FRMD4A: variants seen among roughly 807,000 people sequenced by gnomAD.
FRMD4A encodes FERM domain containing 4A.
Under a neutral mutation model 129.1 loss-of-function variants are expected in FRMD4A, and 29 were observed. The ratio of observed to expected loss-of-function variants is 0.22; its 90% CI spans 0.17 to 0.31. FRMD4A has a LOEUF of 0.31. Among genes scored for constraint, FRMD4A ranks in the 10% least tolerant of loss-of-function variants. FRMD4A has a pLI of 1.00. For synonymous variants in FRMD4A, 634 were observed against 571.6 expected (o/e 1.11, Z -1.56); for missense variants, 1,272 against 1,375.8 (o/e 0.92, Z 1.19).
chr10:14,304,803 G>C (rs968632298), intron 2 of FRMD4A, among the ~76,000 whole-genome samples: 7 of 152,144 alleles, frequency 4.6e-5, no homozygotes, highest in African/African-American at 1.7e-4. Flanking sequence ...GAGAATGAAT[G>C]GCCCCAGAAC....
intron 14 of FRMD4A, among the ~76,000 whole-genome samples, chr10:13,695,559 A>G (rs2086142704): frequency 6.6e-6 from 1 of 152,232 alleles, no homozygotes; most frequent in Non-Finnish European, 1.5e-5. Context: ...TCAGGAAATC[A>G]ACTTTTTGTG....
intron 2 of FRMD4A, among the ~76,000 whole-genome samples, chr10:14,039,453 TC>T (rs1833682774): frequency 2.7e-5 from 1 of 36,774 alleles, no homozygotes; most frequent in Non-Finnish European, 6.4e-5. Flanking sequence ...CCAAAATCAA[TC>T]AATCTATCTA....
At chr10:13,762,548 C>T in intron 7 of FRMD4A, 76 bp downstream of exon 7, 2 of 831,926 alleles carry the variant, frequency 2.4e-6, no homozygotes, top group Non-Finnish European at 4.1e-6. Flanking sequence ...CAGCTACTGG[C>T]TATGCCTGGT....
chr10:13,824,943 T>C (rs1203561955), intron 3 of FRMD4A, among the ~76,000 whole-genome samples: 2 of 147,650 alleles, frequency 1.4e-5, no homozygotes. Flanking sequence ...ATTTCAAGTA[T>C]ACAGGAGGAT....
intron 2 of FRMD4A, among the ~76,000 whole-genome samples, chr10:13,913,283 T>C (rs2094962902): frequency 6.6e-6 from 1 of 152,068 alleles, no homozygotes; most frequent in Admixed American, 6.5e-5. Flanking sequence ...GACAAAGGGA[T>C]GGAGTTAATG....
At chr10:13,667,153 C>T (rs1445747693) in intron 17 of FRMD4A, among the ~76,000 whole-genome samples, 3 of 152,188 alleles carry the variant, frequency 2.0e-5, no homozygotes, top group Admixed American at 6.5e-5. Flanking sequence ...CTCAGACTAT[C>T]CTTCTGCCTT....
At chr10:13,784,206 T>A (rs1241571486) in intron 5 of FRMD4A, among the ~76,000 whole-genome samples, 1 of 152,138 alleles carries the variant, frequency 6.6e-6, no homozygotes, top group Non-Finnish European at 1.5e-5. Flanking sequence ...AATAGTGTTA[T>A]AATCTGAGGG....
chr10:13,857,617 C>T (rs988150274), intron 3 of FRMD4A, among the ~76,000 whole-genome samples: 5 of 152,110 alleles, frequency 3.3e-5, no homozygotes, highest in South Asian at 2.1e-4. Flanking sequence ...TACAAGGCAA[C>T]GCAAGACGAA....
intron 2 of FRMD4A, among the ~76,000 whole-genome samples, chr10:14,311,324 G>A (rs1846539893): frequency 6.6e-6 from 1 of 152,060 alleles, no homozygotes; most frequent in South Asian, 2.1e-4. Context: ...GACCAATTTA[G>A]ATAAATTCAC....
intron 3 of FRMD4A, among the ~76,000 whole-genome samples, chr10:13,828,500 G>C (rs1320343847): frequency 6.7e-6 from 1 of 150,042 alleles, no homozygotes; most frequent in Non-Finnish European, 1.5e-5. Context: ...CTATTCCATT[G>C]TATATGTATA....
chr10:14,022,180 C>T (rs560754173), intron 2 of FRMD4A, among the ~76,000 whole-genome samples: 137 of 152,226 alleles, frequency 9.0e-4, no homozygotes, highest in African/African-American at 2.9e-3. Flanking sequence ...GTGAGGTCAA[C>T]AAATAATGAG....
chr10:14,323,226 A>G (rs1843135058), intron 2 of FRMD4A, among the ~76,000 whole-genome samples: 1 of 152,230 alleles, frequency 6.6e-6, no homozygotes, highest in African/African-American at 2.4e-5. Context: ...GAGTTGCATG[A>G]GATGAATTCA....
intron 3 of FRMD4A, among the ~76,000 whole-genome samples, chr10:13,850,092 C>T (rs535595898): frequency 4.7e-4 from 72 of 151,876 alleles, no homozygotes; most frequent in African/African-American, 1.4e-3. Flanking sequence ...GCACTTGAAC[C>T]CAGGAGGCTG....
intron 5 of FRMD4A, among the ~76,000 whole-genome samples, chr10:13,787,821 C>T (rs2092906089): frequency 6.6e-6 from 1 of 151,022 alleles, no homozygotes; most frequent in Admixed American, 6.6e-5. Flanking sequence ...GCCGGGCATG[C>T]CTGTAATCCC....
chr10:13,857,550 A>G (rs1196796392), intron 3 of FRMD4A, among the ~76,000 whole-genome samples: 3 of 152,138 alleles, frequency 2.0e-5, no homozygotes, highest in African/African-American at 4.8e-5. Flanking sequence ...TTTGAATCCT[A>G]TTAAAAGTAT....
At chr10:14,061,277 C>T (rs1834800298) in intron 2 of FRMD4A, among the ~76,000 whole-genome samples, 1 of 152,010 alleles carries the variant, frequency 6.6e-6, no homozygotes, top group Admixed American at 6.6e-5. Flanking sequence ...TGTTGATCAA[C>T]CCCGTCTCTA....
intron 2 of FRMD4A, among the ~76,000 whole-genome samples, chr10:14,021,910 A>G (rs1832775259): frequency 6.6e-6 from 1 of 152,244 alleles, no homozygotes; most frequent in South Asian, 2.1e-4. Context: ...ACACCAGAGT[A>G]CAACCTGGTA....
intron 2 of FRMD4A, among the ~76,000 whole-genome samples, chr10:13,904,298 A>T (rs2094855193): frequency 6.6e-6 from 1 of 152,048 alleles, no homozygotes; most frequent in Admixed American, 6.5e-5. Context: ...TTGCTTTCGC[A>T]CGGCCGTACA....
Position 14,192,783 on chromosome 10 carries a change from C to T in FRMD4A, c.45+137275G>A, listed in dbSNP as rs181782721. Among the ~76,000 whole-genome samples the T allele has an allele frequency of 2.8e-4, 42 of 152,306 alleles. 1 individual carries two copies. The East Asian group carries it at 7.3e-3, about 27-fold the overall frequency. On this transcript the variant is annotated intron_variant, in intron 2 of 24. Transcript: ENST00000357447. ...CCCTCTAGGTTACTGAATTCTAAAACGTAATGAATTCCTTCAAAGAGTTTT... is the reference window on the plus strand; with the variant it reads ...CCCTCTAGGTTACTGAATTCTAAAATGTAATGAATTCCTTCAAAGAGTTTT...
Sources: allele counts gnomAD v4.1 joint callset (sites outside exome capture counted in the v4.1 genomes callset), GRCh38; gene constraint gnomAD v4.1.1; transcripts MANE v1.5; gene names NCBI Gene and HGNC (gene_info 2026-07-23, HGNC 2026-07-21).